ACSS2: variants seen among roughly 807,000 people sequenced by gnomAD.
The protein encoded by ACSS2 is acyl-CoA synthetase short chain family member 2, also known as acetyl-coenzyme A synthetase, cytoplasmic.
A neutral mutation model predicts 90.6 loss-of-function variants in ACSS2; 58 were observed. The ratio of observed to expected loss-of-function variants is 0.64; its 90% CI spans 0.52 to 0.80. The LOEUF (loss-of-function observed/expected upper bound fraction) is 0.80, where lower values mean the gene tolerates loss of function less well. Among genes scored for constraint, ACSS2 ranks in the 30% least tolerant of loss-of-function variants. The pLI is 0.00. For missense variants in ACSS2, 759 were observed against 912.0 expected (o/e 0.83, Z 2.16); for synonymous variants, 300 against 330.9 (o/e 0.91, Z 1.01).
At chr20:34,925,635 G>A in intron 14 of ACSS2, 63 bp from the exon 15 acceptor site, 1 of 1,529,618 alleles carries the variant, frequency 6.5e-7, no homozygotes, top group Non-Finnish European at 8.9e-7. Context: ...TAGCAGTTTG[G>A]TAATGTGGAT....
chr20:34,925,643 G>A, intron 14 of ACSS2, 55 bp from the exon 15 acceptor site: 3 of 1,554,340 alleles, frequency 1.9e-6, no homozygotes, highest in Non-Finnish European at 2.6e-6. Flanking sequence ...TGGTAATGTG[G>A]ATCAGGTATC....
chr20:34,885,248 A>C (rs911261245), intron 2 of ACSS2, among the ~76,000 whole-genome samples: 5 of 152,140 alleles, frequency 3.3e-5, no homozygotes, highest in African/African-American at 1.2e-4. Context: ...AAAGAGGAAA[A>C]AAAAGATCAT....
upstream of ACSS2, chr20:34,876,568 C>T (rs1284008079): frequency 1.2e-5 from 16 of 1,281,152 alleles, no homozygotes; most frequent in South Asian, 8.7e-5. Flanking sequence ...GAGGCCCCGC[C>T]TCTAGTTCGG....
intron 1 of ACSS2, among the ~76,000 whole-genome samples, chr20:34,879,415 T>C (rs1016354106): frequency 2.6e-5 from 4 of 152,004 alleles, no homozygotes; most frequent in African/African-American, 9.7e-5. Flanking sequence ...GAGCATTCAC[T>C]GATCATCCCA....
intron 2 of ACSS2, among the ~76,000 whole-genome samples, chr20:34,908,156 T>C (rs2080854960): frequency 6.6e-6 from 1 of 152,182 alleles, no homozygotes; most frequent in South Asian, 2.1e-4. Flanking sequence ...CAGATGGTGC[T>C]GGTGTCTGAA....
chr20:34,919,364 A>AG (rs1387688570), intron 7 of ACSS2, 71 bp from the exon 8 acceptor site: 12 of 1,588,350 alleles, frequency 7.6e-6, no homozygotes, highest in Non-Finnish European at 1.0e-5. Context: ...CATTCCCTCC[A>AG]GGGGCAAGGT....
intron 1 of ACSS2, among the ~76,000 whole-genome samples, chr20:34,882,408 G>A (rs964080403): frequency 3.9e-5 from 6 of 152,148 alleles, no homozygotes; most frequent in Admixed American, 3.9e-4. Context: ...CGGATCACGA[G>A]GTCAGGAGTT....
At chr20:34,903,202 C>A (rs2080711699) in intron 2 of ACSS2, among the ~76,000 whole-genome samples, 1 of 151,960 alleles carries the variant, frequency 6.6e-6, no homozygotes, top group South Asian at 2.1e-4. Context: ...ATTAGCCAGG[C>A]ATGGTGGCAT....
rs570812998 is a variant in ACSS2 at position 34,889,131 on chromosome 20, A to AT, written c.374+6151dup. 6.8e-3 allele frequency among the ~76,000 whole-genome samples: 950 copies of AT among 139,072 alleles called. 14 individuals are homozygous for AT. The highest frequency in any genetic ancestry group is 0.024 in the African/African-American group (911 of 37,408). The allele number at this position is 139,072 out of a possible 152,430, so 91.2% of individuals were successfully genotyped here. On this transcript the variant is annotated intron_variant, in intron 2 of 17. Coordinates refer to ENST00000360596, the MANE Select transcript of ACSS2 (RefSeq NM_018677.4). ...TTTTTATATTTTTGTATTTTATTTT[A>AT]TTTTTTTTTGAGATGGAGTCTCGCT... is the stretch of plus-strand genomic sequence containing the variant.
intron 2 of ACSS2, among the ~76,000 whole-genome samples, chr20:34,891,533 A>G (rs1324713995): frequency 6.6e-6 from 1 of 152,178 alleles, no homozygotes; most frequent in Non-Finnish European, 1.5e-5. Flanking sequence ...CCATAAAGCA[A>G]GAATTTTAGA....
At chr20:34,897,064 T>G (rs1338062931) in intron 2 of ACSS2, among the ~76,000 whole-genome samples, 1 of 151,596 alleles carries the variant, frequency 6.6e-6, no homozygotes, top group East Asian at 1.9e-4. Flanking sequence ...GAGGCAAGAA[T>G]GAATGAATGA....
chr20:34,925,402 G>A (rs183084182), intron 14 of ACSS2, among the ~76,000 whole-genome samples: 40 of 152,110 alleles, frequency 2.6e-4, no homozygotes, highest in Admixed American at 4.6e-4. Context: ...CAATGCAACC[G>A]AGACAAGCTA....
upstream of ACSS2, chr20:34,876,329 G>A: frequency 4.0e-6 from 1 of 251,240 alleles, no homozygotes; most frequent in Non-Finnish European, 7.5e-6. Flanking sequence ...GCACTCCACG[G>A]TTCCACCCTC....
chr20:34,905,700 A>G (rs1273570777), intron 2 of ACSS2, among the ~76,000 whole-genome samples: 1 of 152,228 alleles, frequency 6.6e-6, no homozygotes, highest in African/African-American at 2.4e-5. Flanking sequence ...TTGCCAGAGC[A>G]TGCATTTGCC....
chr20:34,881,618 AAC>A (rs779310151), intron 1 of ACSS2, among the ~76,000 whole-genome samples: 9 of 152,212 alleles, frequency 5.9e-5, no homozygotes, highest in Non-Finnish European at 1.0e-4. Flanking sequence ...AGTTCCTCCT[AAC>A]ATATGCCCTT....
At chr20:34,926,623 G>GAGATTTAA (rs2081323995) in intron 16 of ACSS2, among the ~76,000 whole-genome samples, 6 of 152,154 alleles carry the variant, frequency 3.9e-5, no homozygotes, top group Non-Finnish European at 8.8e-5. Context: ...TAAATCACTT[G>GAGATTTAA]CCCAAGGCCA....
intron 14 of ACSS2, 131 bp from the exon 15 acceptor site, chr20:34,925,567 A>T: frequency 1.1e-6 from 1 of 915,752 alleles, no homozygotes; most frequent in Non-Finnish European, 1.7e-6. Context: ...GAGGCTGGCT[A>T]CTACAGTGGG....
At chr20:34,886,560 G>A (rs544799182) in intron 2 of ACSS2, among the ~76,000 whole-genome samples, 11 of 152,252 alleles carry the variant, frequency 7.2e-5, no homozygotes, top group African/African-American at 2.2e-4. Flanking sequence ...GGAGGCAGAG[G>A]TTGCAGTGAG....
At chr20:34,879,722 A>G (rs1327767964) in intron 1 of ACSS2, among the ~76,000 whole-genome samples, 4 of 152,216 alleles carry the variant, frequency 2.6e-5, no homozygotes, top group Admixed American at 2.0e-4. Flanking sequence ...ACACAGCGAT[A>G]CCCTGTCTCA....
Sources: allele counts gnomAD v4.1 joint callset (sites outside exome capture counted in the v4.1 genomes callset), GRCh38; gene constraint gnomAD v4.1.1; transcripts MANE v1.5; gene names NCBI Gene and HGNC (gene_info 2026-07-23, HGNC 2026-07-21).